The following DAB1 variants were observed in gnomAD, a reference collection of about 807,000 sequenced individuals.
DAB1 encodes the protein disabled homolog 1.
Under a neutral mutation model 64.6 loss-of-function variants are expected in DAB1, and 15 were observed. The ratio of observed to expected loss-of-function variants is 0.23; its 90% CI spans 0.16 to 0.36. DAB1 has a LOEUF of 0.36. DAB1 is among the 10% of genes least tolerant of loss of function. The pLI is 1.00. For synonymous variants in DAB1, 235 were observed against 251.9 expected (o/e 0.93, Z 0.64); for missense variants, 596 against 706.7 (o/e 0.84, Z 1.78).
chr1:57,026,417 T>C (rs1271985011), intron 9 of DAB1, among the ~76,000 whole-genome samples: 1 of 152,160 alleles, frequency 6.6e-6, no homozygotes. Context: ...CATGAGTGTA[T>C]CCACACATAC....
At chr1:57,753,716 C>A (rs1422255616) in intron 6 of DAB1, among the ~76,000 whole-genome samples, 1 of 152,122 alleles carries the variant, frequency 6.6e-6, no homozygotes, top group African/African-American at 2.4e-5. Flanking sequence ...GTTACCCTAA[C>A]TCTGTGAAGA....
At chr1:57,441,272 C>CTCTTTCTTTCTTTCTTTCTT (rs60171938) in intron 7 of DAB1, among the ~76,000 whole-genome samples, 19 of 72,636 alleles carry the variant, frequency 2.6e-4, no homozygotes, top group Middle Eastern at 7.6e-3. Context: ...TTCTTTCTTT[C>CTCTTTCTTTCTTTCTTTCTT]TCTTTCTTTC....
At chr1:58,365,685 A>G (rs1358581353) in intron 3 of DAB1, among the ~76,000 whole-genome samples, 1 of 152,146 alleles carries the variant, frequency 6.6e-6, no homozygotes, top group Non-Finnish European at 1.5e-5. Context: ...TCTCAACATC[A>G]ACTTATAGAA....
chr1:57,863,996 C>T (rs1207144607), intron 1 of DAB1, among the ~76,000 whole-genome samples: 1 of 152,150 alleles, frequency 6.6e-6, no homozygotes, highest in Admixed American at 6.6e-5. Flanking sequence ...AAAGTGCTCC[C>T]ATTCTAGTGG....
intron 2 of DAB1, among the ~76,000 whole-genome samples, chr1:57,269,180 G>A (rs1480862410): frequency 2.6e-5 from 4 of 152,090 alleles, no homozygotes; most frequent in Non-Finnish European, 5.9e-5. Context: ...TCTCCCACCA[G>A]CACCTCCCAT....
At chr1:57,754,624 A>T (rs1648714985) in intron 6 of DAB1, among the ~76,000 whole-genome samples, 2 of 152,098 alleles carry the variant, frequency 1.3e-5, no homozygotes, top group South Asian at 4.2e-4. Flanking sequence ...CGGGAGGCGG[A>T]GGTTGCAGTG....
intron 5 of DAB1, among the ~76,000 whole-genome samples, chr1:57,992,552 T>TCC (rs1248050044): frequency 1.3e-5 from 2 of 152,142 alleles, no homozygotes; most frequent in African/African-American, 4.8e-5. Context: ...AGAACTGGCA[T>TCC]CTAGGTGTTT....
chr1:58,513,704 A>C (rs1646116837), intron 2 of DAB1, among the ~76,000 whole-genome samples: 1 of 152,206 alleles, frequency 6.6e-6, no homozygotes, highest in Admixed American at 6.6e-5. Context: ...ATTAACAGTC[A>C]CTTATATGAC....
chr1:57,963,644 T>C (rs1645580965), intron 5 of DAB1, among the ~76,000 whole-genome samples: 1 of 152,164 alleles, frequency 6.6e-6, no homozygotes, highest in African/African-American at 2.4e-5. Context: ...TAGCCCAGAA[T>C]CAGTCCTGAA....
At chr1:58,332,090 T>C (rs1183042487) in intron 4 of DAB1, among the ~76,000 whole-genome samples, 1 of 152,222 alleles carries the variant, frequency 6.6e-6, no homozygotes, top group East Asian at 1.9e-4. Context: ...TGCATCACCC[T>C]TCCTCTGTAC....
At chr1:58,069,222 A>G (rs940200682) in intron 5 of DAB1, among the ~76,000 whole-genome samples, 2 of 152,176 alleles carry the variant, frequency 1.3e-5, no homozygotes, top group African/African-American at 4.8e-5. Context: ...TTGAGCACTT[A>G]CATCTATTGC....
At chr1:57,391,777 ACACACACACAC>A (rs1558296763) in intron 1 of DAB1, among the ~76,000 whole-genome samples, 15,498 of 144,760 alleles carry the variant, frequency 0.11, 904 homozygotes, top group Admixed American at 0.13. Context: ...ACACACACAC[ACACACACACAC>A]ACACACACAC....
chr1:57,391,303 A>G (rs1031769685), intron 1 of DAB1, among the ~76,000 whole-genome samples: 1 of 152,228 alleles, frequency 6.6e-6, no homozygotes, highest in Non-Finnish European at 1.5e-5. Context: ...AGGCTGCAAC[A>G]GAGGCATCTG....
chr1:57,510,530 C>T (rs987148440), intron 7 of DAB1, among the ~76,000 whole-genome samples: 7 of 152,110 alleles, frequency 4.6e-5, no homozygotes, highest in Admixed American at 2.6e-4. Flanking sequence ...CTTGCACAGA[C>T]CCCGAGCTCT....
At chr1:58,129,294 G>A (rs1475617434) in intron 5 of DAB1, among the ~76,000 whole-genome samples, 6 of 150,882 alleles carry the variant, frequency 4.0e-5, no homozygotes, top group East Asian at 3.9e-4. Context: ...CTGTGGGATC[G>A]GTGGTGATAT....
At chr1:58,383,384 G>A (rs556015473) in intron 3 of DAB1, among the ~76,000 whole-genome samples, 7 of 152,186 alleles carry the variant, frequency 4.6e-5, no homozygotes, top group Admixed American at 2.6e-4. Context: ...GACTCCTAGC[G>A]GCCCCAAAAC....
intron 7 of DAB1, among the ~76,000 whole-genome samples, chr1:57,433,885 A>T: frequency 6.6e-6 from 1 of 152,000 alleles, no homozygotes; most frequent in Non-Finnish European, 1.5e-5. Context: ...ATAAGTAGGT[A>T]CATGAAGAGA....
intron 3 of DAB1, among the ~76,000 whole-genome samples, chr1:58,495,665 G>A (rs1042219881): frequency 4.6e-5 from 7 of 151,058 alleles, no homozygotes; most frequent in Non-Finnish European, 8.8e-5. Flanking sequence ...CTGACATATT[G>A]TCCTATGTGT....
intron 2 of DAB1, among the ~76,000 whole-genome samples, chr1:58,514,943 G>T (rs531260258): frequency 1.3e-5 from 2 of 152,184 alleles, no homozygotes; most frequent in South Asian, 4.1e-4. Flanking sequence ...TACCTCACAG[G>T]GTTGTTATGA....
Sources: gnomAD v4.1 joint callset for allele counts (sites outside exome capture counted in the v4.1 genomes callset) on GRCh38, gnomAD v4.1.1 for gene constraint, MANE v1.5 for transcripts, NCBI Gene and HGNC (gene_info 2026-07-23, HGNC 2026-07-21) for gene names.